Variants in BABAM2 observed in about 807,000 individuals in gnomAD.
BABAM2 encodes BRISC and BRCA1-A complex member 2.
In BABAM2, 31 loss-of-function variants were observed where a neutral mutation model predicts 54.7. That is an observed-to-expected ratio of 0.57 (90% CI 0.43 to 0.77). The LOEUF is 0.77. BABAM2 is among the 30% of genes least tolerant of loss of function. The pLI is 0.00. For synonymous variants in BABAM2, 167 were observed against 162.9 expected, an observed-to-expected ratio of 1.03 and a Z score of -0.19; for missense variants, 364 against 455.8, an observed-to-expected ratio of 0.80 and a Z score of 1.83.
At chr2:27,910,183 C>T (rs1036170342) in intron 2 of BABAM2, among the ~76,000 whole-genome samples, 14 of 152,204 alleles carry the variant, frequency 9.2e-5, no homozygotes, top group African/African-American at 3.4e-4. Flanking sequence ...AGGCCATTAT[C>T]TGGCATAACA....
intron 3 of BABAM2, among the ~76,000 whole-genome samples, chr2:27,984,334 G>A (rs1672238910): frequency 6.6e-6 from 1 of 152,000 alleles, no homozygotes; most frequent in African/African-American, 2.4e-5. Flanking sequence ...TAAAGAATAT[G>A]CTTGCTGTGT....
At chr2:28,267,154 C>G (rs554144785) in intron 10 of BABAM2, among the ~76,000 whole-genome samples, 1 of 152,166 alleles carries the variant, frequency 6.6e-6, no homozygotes, top group South Asian at 2.1e-4. Context: ...GAAACTCTGT[C>G]TCCAAAAAAG....
At chr2:28,245,922 C>G (rs1682874621) in intron 10 of BABAM2, among the ~76,000 whole-genome samples, 1 of 152,124 alleles carries the variant, frequency 6.6e-6, no homozygotes, top group Admixed American at 6.5e-5. Flanking sequence ...GTTCATTTTT[C>G]TATCTGATTA....
At chr2:28,178,126 C>T (rs1338475746) in intron 7 of BABAM2, among the ~76,000 whole-genome samples, 1 of 152,098 alleles carries the variant, frequency 6.6e-6, no homozygotes, top group Non-Finnish European at 1.5e-5. Context: ...TGAATTTAAA[C>T]TGCACTTTAG....
rs188220121 is a variant in BABAM2, at chr2:28,270,857, C to T, written c.934+25995C>T. Among the ~76,000 whole-genome samples the T allele has an allele frequency of 1.1e-4, 16 of 152,332 alleles. No individual in the cohort carries two copies. In the East Asian group the frequency reaches 2.7e-3, roughly 26 times the overall value. On this transcript the variant is annotated intron_variant, in intron 10 of 11. Coordinates refer to ENST00000379624, the MANE Select transcript of BABAM2 (RefSeq NM_199191.3). ...AAATTTAAACCAGTTCTCAAATGTC[C>T]AAATTCAAATGCAGCTCTTTCTCTT...
chr2:27,966,763 T>A (rs974849659), intron 3 of BABAM2, among the ~76,000 whole-genome samples: 1 of 152,238 alleles, frequency 6.6e-6, no homozygotes, highest in African/African-American at 2.4e-5. Context: ...TTTGTTTGAT[T>A]AATTTGGTAC....
chr2:28,080,719 T>C (rs969904572), intron 6 of BABAM2, among the ~76,000 whole-genome samples: 1 of 152,232 alleles, frequency 6.6e-6, no homozygotes, highest in East Asian at 1.9e-4. Context: ...TACAATTACC[T>C]TGGCATTCTC....
intron 3 of BABAM2, among the ~76,000 whole-genome samples, chr2:27,941,916 A>G (rs1157229742): frequency 6.6e-6 from 1 of 152,240 alleles, no homozygotes; most frequent in African/African-American, 2.4e-5. Context: ...AAACAGATGC[A>G]TAGATTTTTA....
In BABAM2 at chr2:28,325,246, C is replaced by A. The variant is rs553860238; in HGVS notation, c.1089-13204C>A. 1.3e-5 allele frequency among the ~76,000 whole-genome samples: 2 copies of A among 152,290 alleles called. No individual in the cohort carries two copies. Among genetic ancestry groups the A allele is most frequent in the South Asian group, 4.1e-4 (2 of 4,824 alleles). On this transcript the variant is annotated intron_variant, in intron 11 of 11. Transcript: ENST00000379624. The surrounding 1 kb of genome is among the most constrained non-coding windows in gnomAD (Gnocchi z 4.3). ...CCTCCCTCCCTTTCTGTAACGGAAG[C>A]CTGGGGCCGCAGGGCTACCTGCTGT...
At chr2:28,086,896 A>G (rs989301931) in intron 6 of BABAM2, among the ~76,000 whole-genome samples, 3 of 152,246 alleles carry the variant, frequency 2.0e-5, no homozygotes, top group African/African-American at 7.2e-5. Context: ...TTTCTAACTT[A>G]GGAAAAAAGA....
intron 6 of BABAM2, among the ~76,000 whole-genome samples, chr2:28,125,749 A>G (rs940613893): frequency 2.0e-5 from 3 of 152,254 alleles, no homozygotes; most frequent in African/African-American, 7.2e-5. Context: ...CACTGAGACA[A>G]GCATACACAC....
At chr2:28,284,815 A>G (rs1686658962) in intron 10 of BABAM2, among the ~76,000 whole-genome samples, 1 of 152,122 alleles carries the variant, frequency 6.6e-6, no homozygotes, top group African/African-American at 2.4e-5. Context: ...AATTATATAG[A>G]CTCAGGTTTG....
At chr2:27,993,099 T>C (rs1196489262) in intron 4 of BABAM2, among the ~76,000 whole-genome samples, 1 of 152,200 alleles carries the variant, frequency 6.6e-6, no homozygotes, top group African/African-American at 2.4e-5. Context: ...GGTGACCAAC[T>C]GCCTTGATTT....
chr2:28,197,551 G>A (rs912059239), intron 7 of BABAM2, among the ~76,000 whole-genome samples: 2 of 152,108 alleles, frequency 1.3e-5, no homozygotes, highest in Non-Finnish European at 2.9e-5. Flanking sequence ...ACCTAAATGA[G>A]AAATGGAAAT....
At chr2:28,332,976 C>T (rs1345055269) in intron 11 of BABAM2, among the ~76,000 whole-genome samples, 1 of 152,138 alleles carries the variant, frequency 6.6e-6, no homozygotes, top group Non-Finnish European at 1.5e-5. Flanking sequence ...CAAGGAGCCT[C>T]GGGAAAGGCT....
intron 6 of BABAM2, among the ~76,000 whole-genome samples, chr2:28,092,193 T>C (rs1666207265): frequency 6.6e-6 from 1 of 152,190 alleles, no homozygotes; most frequent in Admixed American, 6.5e-5. Context: ...TCTTATGACT[T>C]TTCTATTCAA....
At chr2:28,308,438 A>G in intron 11 of BABAM2, 1 of 527,254 alleles carries the variant, frequency 1.9e-6, no homozygotes, top group Non-Finnish European at 3.7e-6. Flanking sequence ...AGAAGACAAC[A>G]ACACAACTTG....
intron 10 of BABAM2, among the ~76,000 whole-genome samples, chr2:28,266,886 T>C (rs1461137165): frequency 6.6e-6 from 1 of 152,284 alleles, no homozygotes; most frequent in Non-Finnish European, 1.5e-5. Flanking sequence ...CTGGGTGCAG[T>C]GGCTCACGCC....
At chr2:28,124,597 G>A (rs1356461726) in intron 6 of BABAM2, among the ~76,000 whole-genome samples, 1 of 152,148 alleles carries the variant, frequency 6.6e-6, no homozygotes, top group Non-Finnish European at 1.5e-5. Flanking sequence ...ATCTCTAGAT[G>A]TAGAGAATAA....
Sources: gnomAD v4.1 joint callset for allele counts (sites outside exome capture counted in the v4.1 genomes callset) on GRCh38, gnomAD v4.1.1 for gene constraint, Gnocchi (gnomAD v3.1) non-coding constraint, MANE v1.5 for transcripts, NCBI Gene and HGNC (gene_info 2026-07-23, HGNC 2026-07-21) for gene names.